MBD5: variants seen among roughly 807,000 people sequenced by gnomAD.
MBD5 encodes the protein methyl-CpG-binding domain protein 5.
MBD5 carries 13 observed loss-of-function variants against 117.3 expected under a neutral mutation model. That is an observed-to-expected ratio of 0.11 (90% CI 0.07 to 0.18). The LOEUF (loss-of-function observed/expected upper bound fraction) is 0.18. MBD5 is among the 10% of genes least tolerant of loss of function. The probability of loss-of-function intolerance (pLI) is 1.00; values close to 1 mark genes in which losing one functional copy is unlikely to be tolerated. For missense variants in MBD5, 1,879 were observed against 2,093.8 expected (o/e 0.90, Z 2.00); for synonymous variants, 727 against 766.4 (o/e 0.95, Z 0.85).
intron 1 of MBD5, among the ~76,000 whole-genome samples, chr2:148,064,021 TG>T (rs1695109999): frequency 6.6e-6 from 1 of 151,986 alleles, no homozygotes; most frequent in Non-Finnish European, 1.5e-5. Flanking sequence ...TGGGTTCTGG[TG>T]GGACTATAGC....
chr2:148,063,611 A>G (rs1293955908), intron 1 of MBD5, among the ~76,000 whole-genome samples: 3 of 151,974 alleles, frequency 2.0e-5, no homozygotes, highest in Non-Finnish European at 4.4e-5. Flanking sequence ...CTCCTGTGCT[A>G]CACATATTTT....
intron 1 of MBD5, among the ~76,000 whole-genome samples, chr2:148,048,406 ATTTATAG>A (rs1312393657): frequency 6.6e-5 from 10 of 152,340 alleles, no homozygotes; most frequent in African/African-American, 2.4e-4. Context: ...CCTTTGAAGA[ATTTATAG>A]TTTAGTGAGG....
chr2:148,083,807 T>C, intron 1 of MBD5, among the ~76,000 whole-genome samples: 1 of 152,084 alleles, frequency 6.6e-6, no homozygotes, highest in East Asian at 1.9e-4. Context: ...TTTGTATTTT[T>C]AGTAGAGATG....
chr2:148,472,986 T>G (rs1476811007), intron 8 of MBD5, among the ~76,000 whole-genome samples: 1 of 152,184 alleles, frequency 6.6e-6, no homozygotes, highest in Non-Finnish European at 1.5e-5. Flanking sequence ...GAGGTTCATC[T>G]GATTCTAAAA....
intron 4 of MBD5, among the ~76,000 whole-genome samples, chr2:148,399,208 A>T (rs1704835425): frequency 6.6e-6 from 1 of 152,212 alleles, no homozygotes; most frequent in Non-Finnish European, 1.5e-5. Context: ...TGGTAGCTTG[A>T]TGGGGATGGC....
intron 4 of MBD5, among the ~76,000 whole-genome samples, chr2:148,389,296 A>C (rs1218990025): frequency 9.9e-6 from 1 of 100,744 alleles, no homozygotes; most frequent in East Asian, 2.7e-4. Flanking sequence ...ATATATATAT[A>C]TATATATAAC....
intron 1 of MBD5, among the ~76,000 whole-genome samples, chr2:148,076,010 A>G (rs1695499254): frequency 6.6e-6 from 1 of 152,188 alleles, no homozygotes; most frequent in Non-Finnish European, 1.5e-5. Context: ...ATTGTAAATA[A>G]CGTCTGTATA....
chr2:148,086,276 T>C (rs895265182), intron 1 of MBD5, among the ~76,000 whole-genome samples: 1 of 152,038 alleles, frequency 6.6e-6, no homozygotes, highest in Admixed American at 6.6e-5. Context: ...ATTAGTAGTA[T>C]AGTCATGTGA....
intron 1 of MBD5, among the ~76,000 whole-genome samples, chr2:148,063,396 TTG>T (rs1410780266): frequency 6.6e-6 from 1 of 152,164 alleles, no homozygotes; most frequent in African/African-American, 2.4e-5. Flanking sequence ...TCTTTCCAGA[TTG>T]TGTTACTCTA....
intron 1 of MBD5, among the ~76,000 whole-genome samples, chr2:148,050,451 A>G (rs1254409434): frequency 6.6e-6 from 1 of 151,968 alleles, no homozygotes; most frequent in Admixed American, 6.6e-5. Context: ...AGAGTTCTTT[A>G]TACATTTTGG....
chr2:148,433,527 A>G (rs141245060), intron 4 of MBD5, among the ~76,000 whole-genome samples: 207 of 152,232 alleles, frequency 1.4e-3, no homozygotes, highest in Non-Finnish European at 2.3e-3. Context: ...ATGTTCCTTC[A>G]ATGCCTAGTT....
chr2:148,340,463 G>A (rs1702908343), intron 3 of MBD5, among the ~76,000 whole-genome samples: 1 of 152,032 alleles, frequency 6.6e-6, no homozygotes, highest in Non-Finnish European at 1.5e-5. Context: ...TGGCTTGATG[G>A]GAGGTCTAAT....
chr2:148,338,193 T>C (rs570714194), intron 3 of MBD5, among the ~76,000 whole-genome samples: 2 of 152,312 alleles, frequency 1.3e-5, no homozygotes, highest in African/African-American at 2.4e-5. Flanking sequence ...TGAGATAGTT[T>C]TAAATGTGTT....
intron 3 of MBD5, among the ~76,000 whole-genome samples, chr2:148,276,627 A>C (rs1161545516): frequency 1.3e-5 from 2 of 152,206 alleles, no homozygotes; most frequent in African/African-American, 4.8e-5. Context: ...AATATAGTCT[A>C]TGTTTAAATT....
intron 1 of MBD5, chr2:148,026,326 T>C (rs953059240): frequency 6.6e-6 from 1 of 152,120 alleles, no homozygotes; most frequent in South Asian, 2.1e-4. Context: ...CCCTGATAGC[T>C]TCACAGACTA....
At chr2:148,411,686 T>C (rs1172358136) in intron 4 of MBD5, among the ~76,000 whole-genome samples, 1 of 152,036 alleles carries the variant, frequency 6.6e-6, no homozygotes, top group Admixed American at 6.6e-5. Flanking sequence ...CTTTGCCCAC[T>C]TTTTAATGGG....
At chr2:148,051,742 ATTC>A (rs1009448298) in intron 1 of MBD5, among the ~76,000 whole-genome samples, 18 of 152,090 alleles carry the variant, frequency 1.2e-4, no homozygotes, top group East Asian at 1.9e-4. Flanking sequence ...TGATATAATA[ATTC>A]TTCTAGATTA....
chr2:148,490,752 A>T, intron 11 of MBD5, 158 bp downstream of exon 11: 1 of 869,068 alleles, frequency 1.2e-6, no homozygotes, highest in Non-Finnish European at 1.8e-6. Flanking sequence ...TGAAGAGGGG[A>T]TGGTTATAGT....
chr2:148,284,212 A>G (rs1701318820), intron 3 of MBD5, among the ~76,000 whole-genome samples: 1 of 152,186 alleles, frequency 6.6e-6, no homozygotes. Context: ...CATCAGAAGT[A>G]TATGCCATTG....
Sources: gnomAD v4.1 joint callset for allele counts (sites outside exome capture counted in the v4.1 genomes callset) on GRCh38, gnomAD v4.1.1 for gene constraint, MANE v1.5 for transcripts, NCBI Gene and HGNC (gene_info 2026-07-23, HGNC 2026-07-21) for gene names.